Variants in ACBD6 observed in about 807,000 individuals in gnomAD.
ACBD6 encodes acyl-CoA binding domain containing 6.
A neutral mutation model predicts 37.2 loss-of-function variants in ACBD6; 28 were observed. The ratio of observed to expected loss-of-function variants is 0.75; its 90% CI spans 0.56 to 1.03. The LOEUF (loss-of-function observed/expected upper bound fraction) is 1.03. Among genes scored for constraint, ACBD6 ranks in the 50% least tolerant of loss-of-function variants. The probability of loss-of-function intolerance (pLI) is 0.00; values close to 1 mark genes in which losing one functional copy is unlikely to be tolerated. For missense variants in ACBD6, 340 were observed against 337.4 expected (o/e 1.01, Z -0.06); for synonymous variants, 113 against 126.8 (o/e 0.89, Z 0.73).
At chr1:180,422,426 G>C (rs570790875) in intron 4 of ACBD6, among the ~76,000 whole-genome samples, 113 of 152,126 alleles carry the variant, frequency 7.4e-4, no homozygotes, top group Non-Finnish European at 1.2e-3. Context: ...CGCTGGTCTC[G>C]AACTCCTGAC....
intron 3 of ACBD6, among the ~76,000 whole-genome samples, chr1:180,457,026 C>T (rs116060016): frequency 2.7e-3 from 403 of 152,048 alleles, no homozygotes; most frequent in African/African-American, 9.4e-3. Context: ...ACCTAGAAAC[C>T]GTAGAAAGAC....
intron 6 of ACBD6, among the ~76,000 whole-genome samples, chr1:180,388,175 C>CAAAAAA (rs34156282): frequency 9.0e-6 from 1 of 111,180 alleles, no homozygotes; most frequent in Non-Finnish European, 1.8e-5. Context: ...GACTCCGTCT[C>CAAAAAA]AAAAAAAAAA....
intron 3 of ACBD6, among the ~76,000 whole-genome samples, chr1:180,470,291 A>G (rs1462498094): frequency 6.6e-6 from 1 of 152,182 alleles, no homozygotes; most frequent in Admixed American, 6.5e-5. Context: ...AAATACCCAC[A>G]AGAACCATGA....
At chr1:180,326,183 T>C (rs2149297518) in intron 6 of ACBD6, among the ~76,000 whole-genome samples, 1 of 152,266 alleles carries the variant, frequency 6.6e-6, no homozygotes, top group Non-Finnish European at 1.5e-5. Context: ...GAAAAAACCT[T>C]AGAAATCTAC....
At chr1:180,479,363 T>C (rs1284839774) in intron 3 of ACBD6, among the ~76,000 whole-genome samples, 1 of 152,148 alleles carries the variant, frequency 6.6e-6, no homozygotes, top group African/African-American at 2.4e-5. Flanking sequence ...GAACTTGAGG[T>C]CATTATCTTA....
At chr1:180,487,823 C>G (rs1426855823) in intron 3 of ACBD6, among the ~76,000 whole-genome samples, 1 of 152,070 alleles carries the variant, frequency 6.6e-6, no homozygotes, top group Non-Finnish European at 1.5e-5. Flanking sequence ...AAAGTTACAG[C>G]CATAATGCAA....
chr1:180,474,292 A>G (rs1182840199), intron 3 of ACBD6, among the ~76,000 whole-genome samples: 4 of 152,186 alleles, frequency 2.6e-5, no homozygotes, highest in African/African-American at 9.7e-5. Flanking sequence ...AAAGTTATAA[A>G]ATGAGAGGTA....
intron 7 of ACBD6, among the ~76,000 whole-genome samples, chr1:180,312,124 C>T (rs1313099413): frequency 6.6e-6 from 1 of 152,164 alleles, no homozygotes; most frequent in Non-Finnish European, 1.5e-5. Flanking sequence ...AAAGTATCTG[C>T]TGGAATTCTT....
At chr1:180,270,892 G>A (rs1344993124) in exon 14 of ACBD6, 1 of 209,446 alleles carries the variant, frequency 4.8e-6, no homozygotes, top group Non-Finnish European at 9.9e-6. Flanking sequence ...CCCTGGCTGT[G>A]AGCCCAGCGA....
At chr1:180,317,024 T>TTGTG (rs1650842098) in intron 6 of ACBD6, among the ~76,000 whole-genome samples, 1 of 152,104 alleles carries the variant, frequency 6.6e-6, no homozygotes, top group South Asian at 2.1e-4. Context: ...AATGGGCAAA[T>TTGTG]CACAGCACTG....
At chr1:180,406,260 T>A (rs904127371) in intron 5 of ACBD6, among the ~76,000 whole-genome samples, 3 of 151,906 alleles carry the variant, frequency 2.0e-5, no homozygotes, top group Non-Finnish European at 2.9e-5. Flanking sequence ...TTAAAAAAAA[T>A]ATTTACATTA....
At chr1:180,460,105 A>G (rs971370078) in intron 3 of ACBD6, among the ~76,000 whole-genome samples, 2 of 150,358 alleles carry the variant, frequency 1.3e-5, no homozygotes, top group African/African-American at 4.9e-5. Flanking sequence ...AACATTAGAT[A>G]TATCTCCTAA....
chr1:180,473,263 C>A (rs1258197101), intron 3 of ACBD6, among the ~76,000 whole-genome samples: 2 of 151,648 alleles, frequency 1.3e-5, no homozygotes, highest in South Asian at 2.1e-4. Flanking sequence ...CTGGCTAAAA[C>A]GGTGAAACCC....
At chr1:180,320,066 T>C (rs1160591474) in intron 6 of ACBD6, among the ~76,000 whole-genome samples, 2 of 152,344 alleles carry the variant, frequency 1.3e-5, no homozygotes, top group African/African-American at 4.8e-5. Flanking sequence ...TTTTAGTTGT[T>C]TGAGAAACCT....
intron 5 of ACBD6, among the ~76,000 whole-genome samples, chr1:180,411,706 C>T (rs1038246423): frequency 6.6e-6 from 1 of 152,192 alleles, no homozygotes; most frequent in Admixed American, 6.5e-5. Flanking sequence ...CGCTCTGTTG[C>T]CCAGGCTGGA....
chr1:180,305,409 AAAAC>A (rs1252000504), intron 7 of ACBD6, among the ~76,000 whole-genome samples: 4 of 152,340 alleles, frequency 2.6e-5, no homozygotes, highest in Admixed American at 1.3e-4. Flanking sequence ...TACAAGAAAA[AAAAC>A]AAACAACCCC....
rs59752237 is a variant in ACBD6 at position 180,479,753 on chromosome 1, G to A, written c.384+12516C>T. On this transcript the variant is annotated intron_variant, in intron 3 of 7. Coordinates refer to ENST00000367595, the MANE Select transcript of ACBD6 (RefSeq NM_032360.4). The stretch of plus-strand genomic sequence containing the variant: ...GCCTGTAATCCCAGCACTTTGAGGC[G>A]GAGGCGGGTGGATTGCTTGAGTCCA... Among the ~76,000 whole-genome samples the A allele has an allele frequency of 6.7e-3, 1,019 of 152,142 alleles. 17 individuals carry two copies. Among genetic ancestry groups the A allele is most frequent in the African/African-American group, 0.023 (969 of 41,512 alleles).
chr1:180,443,829 TAGTC>T (rs1230852417), intron 3 of ACBD6, among the ~76,000 whole-genome samples: 1 of 151,168 alleles, frequency 6.6e-6, no homozygotes, highest in Admixed American at 6.6e-5. Context: ...TTCACTGTGT[TAGTC>T]AGGATGGTCT....
chr1:180,353,506 A>C (rs1431836764), intron 6 of ACBD6, among the ~76,000 whole-genome samples: 1 of 152,172 alleles, frequency 6.6e-6, no homozygotes, highest in Non-Finnish European at 1.5e-5. Context: ...GGCCTATTAA[A>C]TCAGTAATTA....
Sources: gnomAD v4.1 joint callset for allele counts (sites outside exome capture counted in the v4.1 genomes callset) on GRCh38, gnomAD v4.1.1 for gene constraint, MANE v1.5 for transcripts, NCBI Gene and HGNC (gene_info 2026-07-23, HGNC 2026-07-21) for gene names.